The following MCM9 variants were observed in gnomAD, a reference collection of about 807,000 sequenced individuals.
MCM9 encodes minichromosome maintenance 9 homologous recombination repair factor.
A neutral mutation model predicts 72.8 loss-of-function variants in MCM9; 55 were observed. The observed-to-expected ratio is 0.76, with a 90% CI of 0.61 to 0.95. The LOEUF is 0.95. Among genes scored for constraint, MCM9 ranks in the 40% least tolerant of loss-of-function variants. The probability of loss-of-function intolerance (pLI) is 0.00; values close to 1 mark genes in which losing one functional copy is unlikely to be tolerated. For synonymous variants in MCM9, 480 were observed against 503.4 expected (o/e 0.95, Z 0.62); for missense variants, 1,279 against 1,377.0 (o/e 0.93, Z 1.13).
intron 8 of MCM9, chr6:118,894,632 G>A: frequency 2.1e-6 from 2 of 972,584 alleles, no homozygotes; most frequent in Non-Finnish European, 3.1e-6. Context: ...TGGCGGCCGC[G>A]GGCTGCTCTG....
At chr6:118,861,049 G>A (rs149205898) in intron 8 of MCM9, among the ~76,000 whole-genome samples, 10,019 of 152,234 alleles carry the variant, frequency 0.066, 465 homozygotes, top group East Asian at 0.19. Flanking sequence ...TGGCAAGCCA[G>A]GCATGGGACG....
chr6:118,878,778 T>G (rs1011215589), intron 8 of MCM9, among the ~76,000 whole-genome samples: 9 of 152,084 alleles, frequency 5.9e-5, no homozygotes, highest in African/African-American at 2.2e-4. Flanking sequence ...CCAAAGAGGC[T>G]GGGCACAGTG....
intron 8 of MCM9, among the ~76,000 whole-genome samples, chr6:118,884,389 G>C (rs1778472479): frequency 6.6e-6 from 1 of 151,788 alleles, no homozygotes; most frequent in Non-Finnish European, 1.5e-5. Context: ...CATTAAGTAA[G>C]CCCTATAACA....
chr6:118,841,468 G>T (rs757587249), intron 9 of MCM9, among the ~76,000 whole-genome samples: 6 of 152,220 alleles, frequency 3.9e-5, no homozygotes, highest in Admixed American at 6.5e-5. Flanking sequence ...GGCAAACAGG[G>T]TGCTTGGGTA....
At chr6:118,831,649 A>G (rs1301613301) in intron 9 of MCM9, among the ~76,000 whole-genome samples, 1 of 152,148 alleles carries the variant, frequency 6.6e-6, no homozygotes, top group Non-Finnish European at 1.5e-5. Context: ...GGGCTTTAGA[A>G]AACAAACACA....
chr6:118,881,127 G>A (rs1420201249), intron 8 of MCM9, among the ~76,000 whole-genome samples: 1 of 152,142 alleles, frequency 6.6e-6, no homozygotes, highest in Non-Finnish European at 1.5e-5. Context: ...GATTGACTAT[G>A]GGAAATTGAA....
Position 118,829,048 on chromosome 6 carries a change from C to T in MCM9, c.1528G>A (p.Gly510Ser). Residue 510 changes from glycine (G) to serine (S), a missense_variant and splice_region_variant, in exon 10 of 14, where the codon GGT becomes AGT. Coordinates refer to ENST00000619706, the MANE Select transcript of MCM9 (RefSeq NM_017696.3). Reference protein sequence around the residue: ...IISSFILENKGYPSKSEKLWS... With the variant: ...IISSFILENKSYPSKSEKLWS... ...GAATGCTTTGTTTGTCTTCACGTAC[C>T]TTTATTTTCTAAGATAAAGGAGGAA... 1.3e-6 allele frequency: 2 copies of T among 1,550,274 alleles called. No individual in the cohort carries two copies.
At chr6:118,847,934 G>A (rs1277709633) in intron 9 of MCM9, among the ~76,000 whole-genome samples, 3 of 151,796 alleles carry the variant, frequency 2.0e-5, no homozygotes, top group African/African-American at 7.3e-5. Context: ...ATAAGCCAAG[G>A]TCTTTATATC....
intron 5 of MCM9, chr6:118,919,092 G>C (rs1353390131): frequency 6.6e-6 from 1 of 152,158 alleles, no homozygotes; most frequent in Non-Finnish European, 1.5e-5. Context: ...ATGATTGGGG[G>C]CAACTTTACA....
intron 13 of MCM9, among the ~76,000 whole-genome samples, chr6:118,822,219 C>A (rs1389369349): frequency 1.3e-5 from 2 of 152,196 alleles, no homozygotes; most frequent in Non-Finnish European, 2.9e-5. Flanking sequence ...TTGGAATTTT[C>A]AGCATTTTTG....
At chr6:118,834,203 T>C (rs1370218432) in intron 9 of MCM9, among the ~76,000 whole-genome samples, 1 of 152,246 alleles carries the variant, frequency 6.6e-6, no homozygotes, top group East Asian at 1.9e-4. Flanking sequence ...TCATCCTTTA[T>C]GGCTGCATAG....
At chr6:118,875,968 T>G (rs1777909045) in intron 8 of MCM9, among the ~76,000 whole-genome samples, 1 of 152,296 alleles carries the variant, frequency 6.6e-6, no homozygotes, top group South Asian at 2.1e-4. Flanking sequence ...TTGCCGAAAC[T>G]TGGGGGCAAC....
intron 9 of MCM9, among the ~76,000 whole-genome samples, chr6:118,838,477 A>T (rs909767867): frequency 9.4e-5 from 14 of 149,580 alleles, no homozygotes; most frequent in African/African-American, 3.5e-4. Context: ...TTTTTATTAG[A>T]GACTGGGTTT....
chr6:118,828,826 T>TTA (rs769657481), intron 10 of MCM9, among the ~76,000 whole-genome samples: 18 of 152,200 alleles, frequency 1.2e-4, no homozygotes, highest in Non-Finnish European at 2.6e-4. Context: ...TATAACAACT[T>TTA]TAGTCTCATT....
intron 8 of MCM9, among the ~76,000 whole-genome samples, chr6:118,896,040 C>T (rs1779381606): frequency 2.2e-5 from 3 of 137,592 alleles, no homozygotes; most frequent in Admixed American, 2.1e-4. Flanking sequence ...CATGTGCCCC[C>T]GTTTTTTTTT....
At chr6:118,910,116 CAA>C (rs67533661) in intron 8 of MCM9, among the ~76,000 whole-genome samples, 5,446 of 110,734 alleles carry the variant, frequency 0.049, 333 homozygotes, top group African/African-American at 0.17. Context: ...GACTCTATCT[CAA>C]AAAAAAAAAA....
chr6:118,850,673 C>T (rs916368780), intron 9 of MCM9, among the ~76,000 whole-genome samples: 2 of 151,738 alleles, frequency 1.3e-5, no homozygotes, highest in African/African-American at 2.4e-5. Flanking sequence ...TGAGTGGCAA[C>T]GGTGGCAGTT....
rs1773297319 is a variant in MCM9 at position 118,814,720 on chromosome 6, C to T, written c.*104G>A. ...GGGAGCCAGTATTCAGAGTGATCCT[C>T]AATATGGCCAATTGTTCTATACATT... On this transcript the variant is annotated 3_prime_UTR_variant, in exon 14 of 14. Transcript: ENST00000619706. 1 of 1,149,922 alleles carries T rather than the reference C, an allele frequency of 8.7e-7. No homozygotes were observed. Among genetic ancestry groups the T allele is most frequent in the African/African-American group, 1.6e-5 (1 of 63,950 alleles). 71.2% of individuals were successfully genotyped at this position (1,149,922 alleles called of 1,614,324 possible). A position where few individuals can be genotyped will look rare whatever the true frequency, so the allele number is the denominator to read the frequency against.
chr6:118,903,039 T>G (rs550331695), intron 8 of MCM9, among the ~76,000 whole-genome samples: 4 of 152,352 alleles, frequency 2.6e-5, no homozygotes, highest in African/African-American at 9.6e-5. Context: ...GCTTCTCTAC[T>G]TAAATTTGCT....
Sources: gnomAD v4.1 joint callset for allele counts (sites outside exome capture counted in the v4.1 genomes callset) on GRCh38, gnomAD v4.1.1 for gene constraint, MANE v1.5 for transcripts, NCBI Gene and HGNC (gene_info 2026-07-23, HGNC 2026-07-21) for gene names.